GPR149: variants seen among roughly 807,000 people sequenced by gnomAD.
GPR149 encodes G protein-coupled receptor 149.
GPR149 carries 50 observed loss-of-function variants against 50.2 expected under a neutral mutation model. That is an observed-to-expected ratio of 1.00 (90% CI 0.79 to 1.26). The LOEUF is 1.26. GPR149 is among the 50% of genes most tolerant of loss of function. The pLI is 0.00. For missense variants in GPR149, 983 were observed against 895.4 expected (o/e 1.10, Z -1.25); for synonymous variants, 405 against 358.2 (o/e 1.13, Z -1.48).
At chr3:154,410,732 A>G (rs1345501931) in intron 3 of GPR149, among the ~76,000 whole-genome samples, 1 of 152,222 alleles carries the variant, frequency 6.6e-6, no homozygotes, top group East Asian at 1.9e-4. Context: ...AGATGGCAGC[A>G]CAATAATAGT....
rs1167979054 is a variant in GPR149, at chr3:154,335,226, A to G, written c.*2473T>C. ...ATAGTATTTATTAATAAGAAGAACA[A>G]TATAACTATACAAGGGTAAGGTATT... On this transcript the variant is annotated 3_prime_UTR_variant, in exon 4 of 4. Transcript: ENST00000389740. 6.6e-6 allele frequency: 1 copy of G among 152,198 alleles called. No homozygotes were observed. Among genetic ancestry groups the G allele is most frequent in the Non-Finnish European group, 1.5e-5 (1 of 68,026 alleles). 9.4% of individuals were successfully genotyped at this position (152,198 alleles called of 1,614,324 possible).
At chr3:154,395,160 A>C (rs1715260203) in intron 3 of GPR149, among the ~76,000 whole-genome samples, 2 of 152,038 alleles carry the variant, frequency 1.3e-5, no homozygotes, top group Non-Finnish European at 2.9e-5. Context: ...ACCAGAACAG[A>C]TATGAAGATT....
At position 154,352,611 on chromosome 3, in the gene GPR149, T is replaced by A. The variant is rs529991066; in HGVS notation, c.1624-14340A>T. ...CATCAGAGGCGATCAAAGACTGTGG[T>A]TCAAAACTTGATGCACCAGAAATGT... On this transcript the variant is annotated intron_variant, in intron 3 of 3. Coordinates refer to ENST00000389740, the MANE Select transcript of GPR149 (RefSeq NM_001038705.3). 2.6e-5 allele frequency: 20 copies of A among 777,660 alleles called. No homozygotes were observed. In the African/African-American group the frequency reaches 3.0e-4, roughly 12 times the overall value. The allele number at this position is 777,660 out of a possible 1,614,324, so 48.2% of individuals were successfully genotyped here.
intron 3 of GPR149, among the ~76,000 whole-genome samples, chr3:154,402,301 T>C (rs1191158872): frequency 1.3e-5 from 2 of 151,854 alleles, no homozygotes; most frequent in African/African-American, 4.8e-5. Flanking sequence ...ACCTGTAATC[T>C]CAATACTTAC....
At chr3:154,392,660 T>C (rs1715197347) in intron 3 of GPR149, among the ~76,000 whole-genome samples, 1 of 150,676 alleles carries the variant, frequency 6.6e-6, no homozygotes, top group African/African-American at 2.4e-5. Context: ...TTTTTGAAAG[T>C]ATAAACAAAA....
chr3:154,398,294 G>C (rs1715341234), intron 3 of GPR149, among the ~76,000 whole-genome samples: 1 of 152,172 alleles, frequency 6.6e-6, no homozygotes, highest in Admixed American at 6.5e-5. Context: ...TTAAGGTAAT[G>C]ATTAGGGAAA....
rs750914890 is a variant in GPR149, at chr3:154,428,644, C to T, written c.972G>A (p.Leu324=). 6.2e-7 allele frequency: 1 copy of T among 1,611,618 alleles called. No individual in the cohort carries two copies. ...ILALTKVVLW[L]PMMMHMVVQN... is the part of the protein sequence containing the mutation. ...GCAACTGCACTTTTACCATCATGGG[C>T]AGCCAAAGGACGACTTTTGTAAGCG... The change falls in exon 1 of 4, where the codon CTG becomes CTA. Residue 324 remains leucine (L), a synonymous_variant. Coordinates refer to ENST00000389740, the MANE Select transcript of GPR149 (RefSeq NM_001038705.3).
chr3:154,407,932 G>A (rs1711741602), intron 3 of GPR149, among the ~76,000 whole-genome samples: 1 of 152,044 alleles, frequency 6.6e-6, no homozygotes, highest in South Asian at 2.1e-4. Context: ...CAGAAAGTCA[G>A]AAAATGCTAA....
Position 154,429,121 on chromosome 3 carries a change from C to A in GPR149, c.495G>T (p.Ser165=), listed in dbSNP as rs764808269. The change falls in exon 1 of 4, where the codon TCG becomes TCT. Residue 165 remains serine, a synonymous_variant. Coordinates refer to ENST00000389740, the MANE Select transcript of GPR149 (RefSeq NM_001038705.3). ...LTVWAASLLL[S]ALPLCGWGAF... is the part of the protein sequence containing the mutation. The stretch of plus-strand genomic sequence containing the variant: ...CGCCCCAGCCGCACAGCGGGAGCGC[C>A]GAGAGCAGCAGACTGGCTGCCCACA... The A allele has an allele frequency of 1.2e-6, 2 of 1,613,612 alleles. No homozygotes were observed. The highest frequency in any genetic ancestry group is 1.3e-5 in the African/African-American group (1 of 75,058).
chr3:154,353,692 G>T, intron 3 of GPR149: 6 of 1,291,468 alleles, frequency 4.6e-6, no homozygotes, highest in Non-Finnish European at 6.7e-6. Context: ...GCCAAAACAA[G>T]TACCTTTGTT....
intron 3 of GPR149, among the ~76,000 whole-genome samples, chr3:154,391,287 C>T (rs932645336): frequency 6.0e-5 from 9 of 150,284 alleles, no homozygotes; most frequent in African/African-American, 2.2e-4. Flanking sequence ...TAAATCATGA[C>T]ATCAAGAACA....
At chr3:154,393,349 T>C (rs145243632) in intron 3 of GPR149, among the ~76,000 whole-genome samples, 1 of 152,050 alleles carries the variant, frequency 6.6e-6, no homozygotes, top group East Asian at 1.9e-4. Context: ...TCTTAATAGA[T>C]GCAAAAAAGC....
chr3:154,374,509 T>C (rs1714747784), intron 3 of GPR149, among the ~76,000 whole-genome samples: 1 of 151,894 alleles, frequency 6.6e-6, no homozygotes, highest in South Asian at 2.1e-4. Flanking sequence ...CCCCAAATGG[T>C]AGGTAGCTGA....
chr3:154,395,132 A>T (rs1376713754), intron 3 of GPR149, among the ~76,000 whole-genome samples: 1 of 152,116 alleles, frequency 6.6e-6, no homozygotes, highest in Admixed American at 6.6e-5. Context: ...GAGTGCTGGG[A>T]TACCAACTTG....
intron 3 of GPR149, among the ~76,000 whole-genome samples, chr3:154,376,060 G>T (rs2108403845): frequency 6.6e-6 from 1 of 152,262 alleles, no homozygotes; most frequent in East Asian, 1.9e-4. Context: ...ATAGAAATTT[G>T]TGGGACTTCT....
At chr3:154,365,699 A>T (rs1273264429) in intron 3 of GPR149, among the ~76,000 whole-genome samples, 1 of 152,178 alleles carries the variant, frequency 6.6e-6, no homozygotes, top group African/African-American at 2.4e-5. Context: ...TGCCTTCCAC[A>T]AAGGATTAGG....
chr3:154,422,126 A>AT (rs1712165307), intron 2 of GPR149, among the ~76,000 whole-genome samples: 1 of 151,618 alleles, frequency 6.6e-6, no homozygotes, highest in Non-Finnish European at 1.5e-5. Context: ...ATGGATTAAT[A>AT]TTTTTTGTAA....
At chr3:154,385,580 T>A (rs1029289083) in intron 3 of GPR149, among the ~76,000 whole-genome samples, 1 of 152,104 alleles carries the variant, frequency 6.6e-6, no homozygotes, top group Non-Finnish European at 1.5e-5. Flanking sequence ...TTTTGGTTTG[T>A]TCGTTTTTAT....
intron 3 of GPR149, among the ~76,000 whole-genome samples, chr3:154,374,253 C>T (rs1397157761): frequency 6.8e-6 from 1 of 146,738 alleles, no homozygotes; most frequent in Non-Finnish European, 1.5e-5. Context: ...TGGCTCACTG[C>T]AACTTCTGCC....
Sources: allele counts gnomAD v4.1 joint callset (sites outside exome capture counted in the v4.1 genomes callset), GRCh38; gene constraint gnomAD v4.1.1; transcripts MANE v1.5; gene names NCBI Gene and HGNC (gene_info 2026-07-23, HGNC 2026-07-21).